The following ATP8B1 variants were observed in gnomAD, a reference collection of about 807,000 sequenced individuals.
ATP8B1 encodes the protein phospholipid-transporting ATPase IC.
In ATP8B1, 80 loss-of-function variants were observed where a neutral mutation model predicts 149.9. That is an observed-to-expected ratio of 0.53 (90% CI 0.45 to 0.64). The LOEUF (loss-of-function observed/expected upper bound fraction) is 0.64. Among genes scored for constraint, ATP8B1 ranks in the 30% least tolerant of loss-of-function variants. ATP8B1 has a pLI of 0.00. For missense variants in ATP8B1, 1,247 were observed against 1,552.6 expected, an observed-to-expected ratio of 0.80 and a Z score of 3.31; for synonymous variants, 536 against 562.8, an observed-to-expected ratio of 0.95 and a Z score of 0.67.
At chr18:57,754,130 A>AT (rs1017184693) in intron 1 of ATP8B1, among the ~76,000 whole-genome samples, 22 of 151,614 alleles carry the variant, frequency 1.5e-4, no homozygotes, top group Non-Finnish European at 2.1e-4. Flanking sequence ...GTGCATTACA[A>AT]TTTTTTTCTT....
chr18:57,765,066 A>G (rs559501330), intron 1 of ATP8B1, among the ~76,000 whole-genome samples: 2 of 152,388 alleles, frequency 1.3e-5, no homozygotes, highest in African/African-American at 4.8e-5. Context: ...AACTGGATAC[A>G]CAAAATGTGG....
At chr18:57,686,644 C>T (rs1193643725) in intron 13 of ATP8B1, among the ~76,000 whole-genome samples, 1 of 152,168 alleles carries the variant, frequency 6.6e-6, no homozygotes, top group East Asian at 1.9e-4. Flanking sequence ...TGGTCTCGAA[C>T]TCCTGAGCTT....
chr18:57,755,631 C>A (rs907640149), intron 1 of ATP8B1: 1 of 152,098 alleles, frequency 6.6e-6, no homozygotes. Flanking sequence ...TCCATGAATC[C>A]CAGGCTCTGG....
rs1226710818 is a variant in ATP8B1, at chr18:57,648,315, C to T, written c.*173G>A. The T allele has an allele frequency of 8.5e-6, 7 of 826,638 alleles. No homozygotes were observed. In the East Asian group the frequency reaches 1.9e-4, roughly 22 times the overall value. The allele number at this position is 826,638 out of a possible 1,614,324, so 51.2% of individuals were successfully genotyped here. A position where few individuals can be genotyped will look rare whatever the true frequency, so the allele number is the denominator to read the frequency against. ...AATAGGACTTTTAAAAGTCCTATTT[C>T]TTGGCTCTGCTATTGTTTAATAGTC... On this transcript the variant is annotated 3_prime_UTR_variant, in exon 28 of 28. Coordinates refer to ENST00000648908, the MANE Select transcript of ATP8B1 (RefSeq NM_001374385.1).
At chr18:57,757,631 C>T (rs2080097539) in intron 1 of ATP8B1, among the ~76,000 whole-genome samples, 1 of 152,212 alleles carries the variant, frequency 6.6e-6, no homozygotes, top group African/African-American at 2.4e-5. Flanking sequence ...CCACAATGTT[C>T]TTTTCCCCCA....
chr18:57,737,341 C>G (rs1361650057), intron 1 of ATP8B1, among the ~76,000 whole-genome samples: 1 of 151,902 alleles, frequency 6.6e-6, no homozygotes, highest in Non-Finnish European at 1.5e-5. Flanking sequence ...TTTTCTTTCT[C>G]TTATTATTGT....
At chr18:57,758,884 A>G (rs973812693) in intron 1 of ATP8B1, among the ~76,000 whole-genome samples, 16 of 151,718 alleles carry the variant, frequency 1.1e-4, no homozygotes, top group Admixed American at 1.3e-4. Context: ...TAGGCCGGGC[A>G]TGGTAGCTCA....
At chr18:57,657,829 C>A (rs1910107852) in intron 22 of ATP8B1, among the ~76,000 whole-genome samples, 1 of 152,130 alleles carries the variant, frequency 6.6e-6, no homozygotes, top group Non-Finnish European at 1.5e-5. Context: ...CTGAGCAGAC[C>A]AAGGACAAAT....
intron 2 of ATP8B1, among the ~76,000 whole-genome samples, chr18:57,715,108 G>A (rs1012883182): frequency 4.6e-5 from 7 of 151,746 alleles, no homozygotes; most frequent in Non-Finnish European, 2.9e-5. Context: ...GAAACTCAAA[G>A]AAATTCAAGA....
intron 20 of ATP8B1, among the ~76,000 whole-genome samples, chr18:57,662,980 G>A (rs1359098717): frequency 6.6e-6 from 1 of 152,060 alleles, no homozygotes; most frequent in African/African-American, 2.4e-5. Context: ...CCATTTTTAA[G>A]TGTACAACTT....
rs1366870956 is a variant in ATP8B1, at chr18:57,694,690, T to C, written c.941-20A>G. 2.7e-6 allele frequency: 4 copies of C among 1,481,650 alleles called. No homozygotes were observed. The Admixed American group carries it at 5.1e-5, about 19-fold the overall frequency. 91.8% of individuals were successfully genotyped at this position (1,481,650 alleles called of 1,614,324 possible). On this transcript the variant is annotated intron_variant, in intron 10 of 27. Coordinates refer to ENST00000648908, the MANE Select transcript of ATP8B1 (RefSeq NM_001374385.1). ...CAGCACCTGAAAATGGAAAATTCAA[T>C]GTAGTCATCAGTTGGGAAAAATCAA...
chr18:57,782,633 G>A (rs986835674), intron 1 of ATP8B1, among the ~76,000 whole-genome samples: 22 of 151,966 alleles, frequency 1.4e-4, no homozygotes, highest in Non-Finnish European at 7.4e-5. Flanking sequence ...TGAATGGTGC[G>A]CACACACACA....
At chr18:57,692,320 T>C (rs998928397) in intron 11 of ATP8B1, among the ~76,000 whole-genome samples, 4 of 152,118 alleles carry the variant, frequency 2.6e-5, no homozygotes. Flanking sequence ...TACGTTTACT[T>C]TGAACAATAA....
chr18:57,776,541 C>T (rs929444778), intron 1 of ATP8B1, among the ~76,000 whole-genome samples: 1 of 152,118 alleles, frequency 6.6e-6, no homozygotes, highest in Admixed American at 6.6e-5. Flanking sequence ...CCACAGTCAC[C>T]CAGATCTGCC....
At chr18:57,761,135 A>G (rs1005808468) in intron 1 of ATP8B1, among the ~76,000 whole-genome samples, 19 of 148,270 alleles carry the variant, frequency 1.3e-4, no homozygotes, top group Non-Finnish European at 2.4e-4. Flanking sequence ...AAAATAAAAT[A>G]AAATAAAATA....
intron 20 of ATP8B1, among the ~76,000 whole-genome samples, chr18:57,665,515 A>G (rs534534253): frequency 1.7e-4 from 26 of 152,264 alleles, no homozygotes; most frequent in South Asian, 1.7e-3. Context: ...CAAAACTACT[A>G]AAGTAAACTC....
At chr18:57,739,325 C>T (rs1270809559) in intron 1 of ATP8B1, among the ~76,000 whole-genome samples, 1 of 152,178 alleles carries the variant, frequency 6.6e-6, no homozygotes, top group East Asian at 1.9e-4. Context: ...GTCTCAACTT[C>T]AGTGTCCTCT....
At chr18:57,688,074 C>T (rs970943224) in intron 13 of ATP8B1, among the ~76,000 whole-genome samples, 8 of 152,176 alleles carry the variant, frequency 5.3e-5, no homozygotes, top group Non-Finnish European at 1.0e-4. Flanking sequence ...TGAGCCACCA[C>T]GCCTGGCTGT....
intron 8 of ATP8B1, among the ~76,000 whole-genome samples, chr18:57,696,275 C>T (rs1426811293): frequency 6.6e-6 from 1 of 152,246 alleles, no homozygotes. Context: ...AATAAACAGT[C>T]GGGCGCCGCG....
Sources: allele counts gnomAD v4.1 joint callset (sites outside exome capture counted in the v4.1 genomes callset), GRCh38; gene constraint gnomAD v4.1.1; transcripts MANE v1.5; gene names NCBI Gene and HGNC (gene_info 2026-07-23, HGNC 2026-07-21).